MYCBP2: variants seen among roughly 807,000 people sequenced by gnomAD.
MYCBP2 encodes E3 ubiquitin-protein ligase MYCBP2.
Under a neutral mutation model 525.3 loss-of-function variants are expected in MYCBP2, and 120 were observed. That is an observed-to-expected ratio of 0.23 (90% CI 0.20 to 0.27). MYCBP2 has a LOEUF of 0.27. Ranked by LOEUF, MYCBP2 falls within the 10% of genes least tolerant of loss-of-function variation. The pLI, the probability that MYCBP2 is intolerant of heterozygous loss-of-function variation, is 1.00. For synonymous variants in MYCBP2, 1,894 were observed against 1,955.8 expected (o/e 0.97, Z 0.83); for missense variants, 4,149 against 5,657.1 (o/e 0.73, Z 8.55).
At chr13:77,171,429 C>T in intron 38 of MYCBP2, 63 bp downstream of exon 38, 1 of 1,509,712 alleles carries the variant, frequency 6.6e-7, no homozygotes, top group East Asian at 2.3e-5. Context: ...TTCAATAATT[C>T]TATGCAAAAA....
chr13:77,256,880 T>C (rs2072298441), intron 14 of MYCBP2, among the ~76,000 whole-genome samples: 1 of 152,096 alleles, frequency 6.6e-6, no homozygotes, highest in Non-Finnish European at 1.5e-5. Context: ...CCCACTGCTA[T>C]GGATATACCC....
At chr13:77,298,154 T>C (rs2078391969) in intron 1 of MYCBP2, among the ~76,000 whole-genome samples, 1 of 152,232 alleles carries the variant, frequency 6.6e-6, no homozygotes, top group Non-Finnish European at 1.5e-5. Flanking sequence ...TTCATCATAC[T>C]CCAGCAAGAA....
intron 2 of MYCBP2, among the ~76,000 whole-genome samples, chr13:77,290,254 T>C (rs918197086): frequency 6.6e-6 from 1 of 152,200 alleles, no homozygotes; most frequent in African/African-American, 2.4e-5. Flanking sequence ...AACTTATACA[T>C]TGCTGATGGT....
intron 13 of MYCBP2, among the ~76,000 whole-genome samples, chr13:77,258,110 T>C (rs1226852999): frequency 2.0e-5 from 3 of 152,198 alleles, no homozygotes; most frequent in African/African-American, 7.2e-5. Context: ...CAAATGGTAA[T>C]ACCTCTCCAC....
intron 1 of MYCBP2, among the ~76,000 whole-genome samples, chr13:77,321,233 C>G (rs1040277523): frequency 1.3e-5 from 2 of 152,212 alleles, no homozygotes; most frequent in East Asian, 3.9e-4. Context: ...TTTTATTTTC[C>G]TTTTAAGCCC....
At chr13:77,160,628 T>C (rs1442949262) in intron 44 of MYCBP2, among the ~76,000 whole-genome samples, 2 of 152,174 alleles carry the variant, frequency 1.3e-5, no homozygotes, top group Non-Finnish European at 2.9e-5. Flanking sequence ...GATTTCGAAG[T>C]GTAATTATAA....
Position 77,139,333 on chromosome 13 carries a change from G to A in MYCBP2, c.7522C>T (p.His2508Tyr). 1 of 1,611,032 alleles carries A rather than the reference G, an allele frequency of 6.2e-7. No individual in the cohort carries two copies. Among genetic ancestry groups the A allele is most frequent in the South Asian group, 1.1e-5 (1 of 90,550 alleles). ...CTCAGCCACACACCATCATCATTAT[G>A]GATCTATAGAAAAAAGCAACAGAAA... Reference protein sequence around the residue: ...NGTITFIDEIHNDDGVWLRLN... With the variant: ...NGTITFIDEIYNDDGVWLRLN... The change falls in exon 52 of 83, where the codon CAT (histidine) becomes TAT (tyrosine). Residue 2508 changes from histidine (H) to tyrosine (Y), a missense_variant. This residue lies in a region of MYCBP2 where 692 missense variants were observed against 852.7 expected (regional missense o/e 0.81). Coordinates refer to ENST00000544440, the MANE Select transcript of MYCBP2 (RefSeq NM_015057.5).
chr13:77,251,082 T>A, intron 15 of MYCBP2, 69 bp downstream of exon 15: 1 of 1,444,148 alleles, frequency 6.9e-7, no homozygotes, highest in Non-Finnish European at 9.6e-7. Flanking sequence ...TAGTAGAGTA[T>A]ACTCCGGAAT....
At position 77,126,406 on chromosome 13, in the gene MYCBP2, GA is replaced by G. The variant is rs752126230; in HGVS notation, c.7795del (p.Ser2599GlnfsTer19). ...GMYKVVKTGP[S>X]GHNIRSCPNL... is the part of the protein sequence containing the mutation. ...AGGGCAGCTTCTGATGTTGTGACCT[GA>G]AGGTCCCGTCTTCACTACCTTGTAC... On this transcript the variant is annotated frameshift_variant, in exon 53 of 83. Coordinates refer to ENST00000544440, the MANE Select transcript of MYCBP2 (RefSeq NM_015057.5). LOFTEE classifies it high-confidence loss of function. 1 of 1,613,968 alleles carries G rather than the reference GA, an allele frequency of 6.2e-7. No individual in the cohort carries two copies.
At chr13:77,087,709 C>A in intron 61 of MYCBP2, 76 bp from the exon 62 acceptor site, 1 of 1,266,372 alleles carries the variant, frequency 7.9e-7, no homozygotes, top group Non-Finnish European at 1.1e-6. Flanking sequence ...AAAGTACCTC[C>A]ATGGATTAAG....
In MYCBP2 at chr13:77,090,633, T is replaced by C. The variant is rs574780281; in HGVS notation, c.10368-370A>G. On this transcript the variant is annotated intron_variant, in intron 59 of 82. Transcript: ENST00000544440. ...ACCAAATAGAAAGAAAATGGATATGTACACATGAAAACCTAATAAAACAGG... is the reference window on the plus strand; with the variant it reads ...ACCAAATAGAAAGAAAATGGATATGCACACATGAAAACCTAATAAAACAGG... 24 of 155,582 alleles carry C rather than the reference T, an allele frequency of 1.5e-4. No individual in the cohort carries two copies. In the South Asian group the frequency reaches 4.8e-3, roughly 31 times the overall value. The allele number at this position is 155,582 out of a possible 1,614,324, so 9.6% of individuals were successfully genotyped here. A position where few individuals can be genotyped will look rare whatever the true frequency, so the allele number is the denominator to read the frequency against.
At chr13:77,189,256 G>A (rs549823795) in intron 29 of MYCBP2, among the ~76,000 whole-genome samples, 7 of 151,946 alleles carry the variant, frequency 4.6e-5, no homozygotes, top group African/African-American at 1.2e-4. Flanking sequence ...TCCTACCTTC[G>A]CAAGACCGAG....
Position 77,314,633 on chromosome 13 carries a change from C to T in MYCBP2, c.302+11841G>A, listed in dbSNP as rs548724882. 6.6e-5 allele frequency among the ~76,000 whole-genome samples: 10 copies of T among 152,286 alleles called. No individual in the cohort carries two copies. The East Asian group carries it at 1.9e-3, about 29-fold the overall frequency. On this transcript the variant is annotated intron_variant, in intron 1 of 82. Transcript: ENST00000544440. ...CAGAGAAACAGGAATAGGTGGAGCA[C>T]AGATGATATTGAGGGCAGTGAAAAT...
intron 21 of MYCBP2, among the ~76,000 whole-genome samples, chr13:77,213,212 C>T (rs954384971): frequency 1.3e-5 from 2 of 152,200 alleles, no homozygotes; most frequent in Non-Finnish European, 2.9e-5. Context: ...CAGTAGCTCA[C>T]GCCTGTAATC....
chr13:77,276,327 C>A (rs1477884635), intron 4 of MYCBP2, among the ~76,000 whole-genome samples: 1 of 151,328 alleles, frequency 6.6e-6, no homozygotes, highest in Non-Finnish European at 1.5e-5. Context: ...TCATGAATAA[C>A]ACGAAAACAA....
chr13:77,286,792 ATATATAT>A (rs2076869477), intron 3 of MYCBP2, among the ~76,000 whole-genome samples: 1 of 93,888 alleles, frequency 1.1e-5, no homozygotes, highest in African/African-American at 4.9e-5. Context: ...AAAAAAAAAT[ATATATAT>A]ATATATATAT....
At chr13:77,073,381 A>G (rs1211748218) in intron 68 of MYCBP2, among the ~76,000 whole-genome samples, 1 of 152,180 alleles carries the variant, frequency 6.6e-6, no homozygotes, top group Admixed American at 6.5e-5. Flanking sequence ...AGAAGAAAAC[A>G]TTCTCCAATC....
At chr13:77,079,946 A>G (rs2043012856) in intron 65 of MYCBP2, among the ~76,000 whole-genome samples, 1 of 152,208 alleles carries the variant, frequency 6.6e-6, no homozygotes, top group Non-Finnish European at 1.5e-5. Flanking sequence ...TACTGTTATG[A>G]TTATTTCCTC....
chr13:77,194,872 AAGAT>A (rs1313504223), intron 26 of MYCBP2, among the ~76,000 whole-genome samples: 1 of 152,172 alleles, frequency 6.6e-6, no homozygotes, highest in East Asian at 1.9e-4. Context: ...GCATGAGAAA[AAGAT>A]AGATGAAAAG....
Sources: gnomAD v4.1 joint callset for allele counts (sites outside exome capture counted in the v4.1 genomes callset) on GRCh38, gnomAD v4.1.1 for gene constraint, gnomAD v4.1.1 regional missense constraint, MANE v1.5 for transcripts, NCBI Gene and HGNC (gene_info 2026-07-23, HGNC 2026-07-21) for gene names.